The following KCNK17 variants were observed in gnomAD, a reference collection of about 807,000 sequenced individuals.
KCNK17 encodes potassium channel subfamily K member 17.
A neutral mutation model predicts 24.6 loss-of-function variants in KCNK17; 27 were observed. The ratio of observed to expected loss-of-function variants is 1.10; its 90% confidence interval spans 0.81 to 1.51. KCNK17 has a LOEUF of 1.51. KCNK17 is among the 40% of genes most tolerant of loss of function. KCNK17 has a pLI of 0.00. For synonymous variants in KCNK17, 181 were observed against 189.8 expected (o/e 0.95, Z 0.38); for missense variants, 450 against 436.6 (o/e 1.03, Z -0.27).
chr6:39,300,402 G>A (rs573072728), intron 4 of KCNK17: 65 of 1,283,056 alleles, frequency 5.1e-5, no homozygotes, highest in Non-Finnish European at 7.0e-5. Context: ...AGAATTACAG[G>A]TGTGAGCCAC....
chr6:39,312,668 C>G (rs9471062), intron 1 of KCNK17, among the ~76,000 whole-genome samples: 2,753 of 152,292 alleles, frequency 0.018, 74 homozygotes, highest in African/African-American at 0.058. Flanking sequence ...AAAGTACCAG[C>G]AACAGTGCTT....
At chr6:39,305,353 T>C (rs570967893) in intron 2 of KCNK17, among the ~76,000 whole-genome samples, 1 of 152,276 alleles carries the variant, frequency 6.6e-6, no homozygotes, top group Non-Finnish European at 1.5e-5. Context: ...CTCCCCTCAA[T>C]ATATCTCTTG....
At chr6:39,307,352 C>T (rs1762054275) in intron 2 of KCNK17, among the ~76,000 whole-genome samples, 1 of 152,314 alleles carries the variant, frequency 6.6e-6, no homozygotes, top group African/African-American at 2.4e-5. Flanking sequence ...CATCTACCTC[C>T]CCCTCTGGCC....
chr6:39,303,398 G>A (rs186893930), intron 4 of KCNK17, among the ~76,000 whole-genome samples: 1 of 152,360 alleles, frequency 6.6e-6, no homozygotes, highest in African/African-American at 2.4e-5. Context: ...GATTATGCAA[G>A]GCTGGTGGCT....
At chr6:39,303,887 G>A in intron 4 of KCNK17, 70 bp downstream of exon 4, 5 of 1,537,858 alleles carry the variant, frequency 3.3e-6, no homozygotes, top group East Asian at 4.5e-5. Flanking sequence ...TGCGCCAGCT[G>A]CGGGAGCAGA....
At chr6:39,309,506 A>G (rs540195704) in intron 2 of KCNK17, among the ~76,000 whole-genome samples, 1 of 152,144 alleles carries the variant, frequency 6.6e-6, no homozygotes, top group Non-Finnish European at 1.5e-5. Context: ...CCTCACCCTC[A>G]AGCTGGTTGA....
intron 4 of KCNK17, among the ~76,000 whole-genome samples, chr6:39,303,240 G>A (rs2113835199): frequency 6.6e-6 from 1 of 152,340 alleles, no homozygotes; most frequent in South Asian, 2.1e-4. Context: ...GGGAGTGCAT[G>A]AAGCCGCTTG....
chr6:39,304,153 C>T, intron 3 of KCNK17, 22 bp from the exon 4 acceptor site: 2 of 1,601,070 alleles, frequency 1.2e-6, no homozygotes, highest in Non-Finnish European at 1.7e-6. Context: ...ACATTGTCCC[C>T]AGGCCTCCTG....
In KCNK17 at chr6:39,304,562, T is replaced by C. The variant is rs1392704532; in HGVS notation, c.446A>G (p.Asn149Ser). The change falls in exon 3 of 5, where the codon AAC becomes AGC. Residue 149 changes from asparagine (N) to serine (S), a missense_variant. Transcript: ENST00000373231. ...CTGCTGCATGAGATGCCCCAGTCGG[T>C]TGAGCACCACGAGGTTGAGTGGGAT... is the stretch of plus-strand genomic sequence containing the variant. ...VGIPLNLVVL[N>S]RLGHLMQQGV... 3 of 1,614,104 alleles carry C rather than the reference T, an allele frequency of 1.9e-6. No homozygotes were observed. The highest frequency in any genetic ancestry group is 2.5e-6 in the Non-Finnish European group (3 of 1,179,978).
chr6:39,304,326 T>A, intron 3 of KCNK17, 169 bp downstream of exon 3: 1 of 773,780 alleles, frequency 1.3e-6, no homozygotes, highest in Non-Finnish European at 2.1e-6. Flanking sequence ...ATCTCCACCA[T>A]TAATGCCCTT....
rs146312685 is a variant in KCNK17 at position 39,299,411 on chromosome 6, A to T, written c.*16T>A. On this transcript the variant is annotated 3_prime_UTR_variant, in exon 5 of 5. Transcript: ENST00000373231. ...GGTCTTGCTACCGAGGACGACGACC[A>T]AAGAATGGAGTATAACTAGCTGTCC... 5.0e-6 allele frequency: 8 copies of T among 1,597,060 alleles called. No homozygotes were observed. In the Admixed American group the frequency reaches 5.1e-5, roughly 10 times the overall value.
At chr6:39,301,400 C>T (rs997386579) in intron 4 of KCNK17, among the ~76,000 whole-genome samples, 1 of 152,352 alleles carries the variant, frequency 6.6e-6, no homozygotes, top group African/African-American at 2.4e-5. Context: ...CAAGGCTGGG[C>T]CCCTCTCTAG....
At chr6:39,301,890 C>T (rs1158378980) in intron 4 of KCNK17, among the ~76,000 whole-genome samples, 1 of 152,204 alleles carries the variant, frequency 6.6e-6, no homozygotes, top group Non-Finnish European at 1.5e-5. Context: ...AAGGGGTTGT[C>T]CCTGTTACTG....
At position 39,308,833 on chromosome 6, in the gene KCNK17, A is replaced by G. The variant is rs72855545; in HGVS notation, c.352+2060T>C. Among the ~76,000 whole-genome samples, 393 of 152,250 alleles carry G rather than the reference A, an allele frequency of 2.6e-3. 3 individuals carry two copies. Among genetic ancestry groups the G allele is most frequent in the Middle Eastern group, 0.014 (4 of 294 alleles). On this transcript the variant is annotated intron_variant, in intron 2 of 4. Coordinates refer to ENST00000373231, the MANE Select transcript of KCNK17 (RefSeq NM_031460.4). ...CCCTTCTTCCCTTGTGGCATTCCAG[A>G]TGTACCTCATCTTCCATCTCCCTCT...
rs765355370 is a variant in KCNK17 at position 39,314,223 on chromosome 6, A to G, written c.98T>C (p.Leu33Pro). The G allele has an allele frequency of 3.2e-6, 5 of 1,539,564 alleles. No homozygotes were observed. Among genetic ancestry groups the G allele is most frequent in the Admixed American group, 3.9e-5 (2 of 51,168 alleles). The change falls in exon 1 of 5, where the codon CTG becomes CCG. Residue 33 changes from leucine to proline, a missense_variant. Transcript: ENST00000373231. ...VLLLLAYLAY[L>P]ALGTGVFWTL... is the part of the protein sequence containing the mutation. ...CCAGAACACGCCGGTGCCCAGCGCCAGGTAAGCCAGGTAGGCGAGCAGCAG... is the reference window on the plus strand; with the variant it reads ...CCAGAACACGCCGGTGCCCAGCGCCGGGTAAGCCAGGTAGGCGAGCAGCAG...
At chr6:39,302,929 C>T (rs941054504) in intron 4 of KCNK17, among the ~76,000 whole-genome samples, 5 of 152,146 alleles carry the variant, frequency 3.3e-5, no homozygotes, top group African/African-American at 1.2e-4. Flanking sequence ...TAGGGATTGC[C>T]TCATTTTATA....
At chr6:39,305,850 AAG>A (rs952320845) in intron 2 of KCNK17, among the ~76,000 whole-genome samples, 2 of 152,078 alleles carry the variant, frequency 1.3e-5, no homozygotes, top group South Asian at 2.1e-4. Flanking sequence ...TTCCTCTATG[AAG>A]AGAGTCTCTC....
intron 2 of KCNK17, among the ~76,000 whole-genome samples, chr6:39,307,044 G>A (rs1283559967): frequency 6.6e-6 from 1 of 152,096 alleles, no homozygotes; most frequent in Non-Finnish European, 1.5e-5. Flanking sequence ...TTACAGGTGT[G>A]AGCCACCGTG....
chr6:39,303,291 A>G lies in KCNK17; in HGVS notation c.688+666T>C, dbSNP rs115700168. On this transcript the variant is annotated intron_variant, in intron 4 of 4. Transcript: ENST00000373231. ...TGGTGCCAGCGGCACCTTCAGGGAC[A>G]GGAAGGGGCGGTGATGAGGCTGAGC... Among the ~76,000 whole-genome samples the G allele has an allele frequency of 7.8e-3, 1,186 of 152,274 alleles. 20 individuals carry two copies. Among genetic ancestry groups the G allele is most frequent in the African/African-American group, 0.027 (1,121 of 41,536 alleles).
Sources: allele counts gnomAD v4.1 joint callset (sites outside exome capture counted in the v4.1 genomes callset), GRCh38; gene constraint gnomAD v4.1.1; transcripts MANE v1.5; gene names NCBI Gene and HGNC (gene_info 2026-07-23, HGNC 2026-07-21).